Variants in DOCK6 observed in about 807,000 individuals in gnomAD.
The protein encoded by DOCK6 is dedicator of cytokinesis protein 6.
Under a neutral mutation model 230.3 loss-of-function variants are expected in DOCK6, and 167 were observed. That is an observed-to-expected ratio of 0.73 (90% confidence interval 0.64 to 0.82). DOCK6 has a LOEUF of 0.82. Ranked by LOEUF, DOCK6 falls within the 40% of genes least tolerant of loss-of-function variation. The probability of loss-of-function intolerance (pLI) is 0.00; values close to 1 mark genes in which losing one functional copy is unlikely to be tolerated. For missense variants in DOCK6, 2,598 were observed against 2,825.8 expected (o/e 0.92, Z 1.83); for synonymous variants, 1,148 against 1,185.0 (o/e 0.97, Z 0.64).
chr19:11,216,750 A>T, intron 30 of DOCK6, 164 bp downstream of exon 30: 1 of 721,024 alleles, frequency 1.4e-6, no homozygotes, highest in Non-Finnish European at 2.3e-6. Context: ...TTCTGACTTT[A>T]TTCCTTGCCT....
intron 13 of DOCK6, among the ~76,000 whole-genome samples, chr19:11,242,546 C>A (rs2079964333): frequency 6.6e-6 from 1 of 151,812 alleles, no homozygotes; most frequent in African/African-American, 2.4e-5. Flanking sequence ...TGTGTGCCAC[C>A]ACACCTGGTG....
rs1285597607 is a variant in DOCK6, at chr19:11,204,205, G to C, written c.5215C>G (p.His1739Asp). 6.4e-7 allele frequency: 1 copy of C among 1,555,442 alleles called. No individual in the cohort carries two copies. Among genetic ancestry groups the C allele is most frequent in the African/African-American group, 1.4e-5 (1 of 73,240 alleles). The change falls in exon 40 of 48, where the codon CAC (histidine) becomes GAC (aspartate). Residue 1739 changes from histidine to aspartate, a missense_variant. His to Asp is a moderately conservative substitution (Grantham distance 81). Coordinates refer to ENST00000294618, the MANE Select transcript of DOCK6 (RefSeq NM_020812.4). ...GGAGGGGGTCCTGGGCCCACCTGGT[G>C]CATGATCTTGGTGAAGGCCTCCTGC... ...KLQEAFTKIM[H>D]QSSGWERVFG...
chr19:11,213,925 G>A (rs148839323), intron 34 of DOCK6, among the ~76,000 whole-genome samples: 25 of 151,600 alleles, frequency 1.6e-4, no homozygotes, highest in Admixed American at 5.9e-4. Flanking sequence ...GAGTAGCTAG[G>A]ACCACAGGTG....
rs1299833863 is a variant in DOCK6, at chr19:11,243,038, T to C, written c.1480+21A>G. ...GGCTGAGTGAGAGTGATACTTCTTG[T>C]GTATGGGGTGTGCCACGCACCAGTC... On this transcript the variant is annotated intron_variant, in intron 13 of 47. Coordinates refer to ENST00000294618, the MANE Select transcript of DOCK6 (RefSeq NM_020812.4). This position sits in a 1 kb window ranked among gnomAD's most constrained non-coding sequence, Gnocchi z 6.3. The C allele has an allele frequency of 1.2e-6, 2 of 1,613,218 alleles. No individual in the cohort carries two copies. Among genetic ancestry groups the C allele is most frequent in the Non-Finnish European group, 8.5e-7 (1 of 1,179,694 alleles).
At chr19:11,209,976 TCCACCCTCTCACCTGC>T (rs2079344933) in intron 37 of DOCK6, among the ~76,000 whole-genome samples, 1 of 128,722 alleles carries the variant, frequency 7.8e-6, no homozygotes, top group African/African-American at 3.0e-5. Flanking sequence ...CCCTCACCTG[TCCACCCTCTCACCTGC>T]CCATCCCTCA....
intron 35 of DOCK6, 135 bp downstream of exon 35, chr19:11,213,041 T>C (rs2147750016): frequency 1.6e-6 from 2 of 1,217,966 alleles, no homozygotes; most frequent in East Asian, 2.6e-5. Context: ...TGACCCCCAA[T>C]TGCATTCTGA....
chr19:11,221,815 G>C, intron 28 of DOCK6, 36 bp downstream of exon 28: 1 of 1,613,338 alleles, frequency 6.2e-7, no homozygotes, highest in South Asian at 1.1e-5. Flanking sequence ...CCAAGTCCCT[G>C]GATCATGTGA....
At position 11,222,056 on chromosome 19, in the gene DOCK6, A is replaced by G. The variant is rs747282258; in HGVS notation, c.3381-36T>C. On this transcript the variant is annotated intron_variant, in intron 27 of 47. Coordinates refer to ENST00000294618, the MANE Select transcript of DOCK6 (RefSeq NM_020812.4). The surrounding 1 kb of genome is among the most constrained non-coding windows in gnomAD (Gnocchi z 4.0). ...ATGAGGTGCTCAGGACAGGGTGGAC[A>G]TGGCTCCTGGACTGTCCCACCTGTC... The G allele has an allele frequency of 4.4e-6, 7 of 1,605,266 alleles. No individual in the cohort carries two copies. The highest frequency in any genetic ancestry group is 1.3e-5 in the African/African-American group (1 of 74,774).
chr19:11,228,505 G>T (rs565747018), intron 23 of DOCK6, among the ~76,000 whole-genome samples: 1 of 151,664 alleles, frequency 6.6e-6, no homozygotes. Flanking sequence ...TGTGGGGGGG[G>T]GTCTCTTGGG....
chr19:11,243,172 G>A lies in DOCK6; in HGVS notation c.1387-20C>T, dbSNP rs573545631. ...AGCCTCCTACATGGGACCCACTCCC[G>A]TCAGCCTGGGCCAGGGGGCTAGGGG... On this transcript the variant is annotated intron_variant, in intron 12 of 47. Coordinates refer to ENST00000294618, the MANE Select transcript of DOCK6 (RefSeq NM_020812.4). The surrounding 1 kb of genome is among the most constrained non-coding windows in gnomAD (Gnocchi z 6.3). The A allele has an allele frequency of 2.0e-5, 32 of 1,613,058 alleles. No individual in the cohort carries two copies. The highest frequency in any genetic ancestry group is 1.8e-4 in the East Asian group (8 of 44,842).
intron 37 of DOCK6, 92 bp from the exon 38 acceptor site, chr19:11,209,195 C>T: frequency 6.9e-7 from 1 of 1,442,176 alleles, no homozygotes. Flanking sequence ...CTGGTTACCC[C>T]CATGTCCGCC....
In DOCK6 at chr19:11,243,373, GC is replaced by G; in HGVS notation, c.1270del (p.Ala424ProfsTer31). On this transcript the variant is annotated frameshift_variant, in exon 12 of 48. Transcript: ENST00000294618. LOFTEE classifies it high-confidence loss of function. This position sits in a 1 kb window ranked among gnomAD's most constrained non-coding sequence, Gnocchi z 6.3. ...CCCCCGACGGCGGCGGTCTGTCCAG[GC>G]TGGCCGGCGCTCTAGGGGAGGGAAT... ...DSDSEGERRP[A>X]WTDRRRRGPQ... The G allele has an allele frequency of 6.2e-7, 1 of 1,601,770 alleles. No homozygotes were observed. The highest frequency in any genetic ancestry group is 2.3e-5 in the East Asian group (1 of 44,308).
chr19:11,261,350 C>G (rs1436483695), intron 1 of DOCK6, among the ~76,000 whole-genome samples: 1 of 148,952 alleles, frequency 6.7e-6, no homozygotes. Flanking sequence ...CCCCCACCCT[C>G]CCATCCCCCT....
At chr19:11,237,078 G>A in intron 18 of DOCK6, 199 bp from the exon 19 acceptor site, 1 of 605,076 alleles carries the variant, frequency 1.7e-6, no homozygotes, top group Non-Finnish European at 2.9e-6. Flanking sequence ...GCCAAGACGG[G>A]GGCAGAGAAT....
rs202119971 is a variant in DOCK6 at position 11,237,674 on chromosome 19, C to T, written c.1938G>A (p.Pro646=). The T allele has an allele frequency of 3.0e-4, 486 of 1,597,206 alleles. 1 individual carries two copies. In the African/African-American group the frequency reaches 5.0e-3, roughly 16 times the overall value. ...CCACGGGTGTCTCCAGGGCAGTGCC[C>T]GGCCGGGGCTGGCAGCTGACATGGT... ...TFYHVSCQPR[P]GTALETPVGF... Residue 646 remains proline, a synonymous_variant, in exon 17 of 48, where the codon CCG becomes CCA. Transcript: ENST00000294618.
At chr19:11,262,259 G>T in intron 1 of DOCK6, 138 bp downstream of exon 1, 1 of 524,974 alleles carries the variant, frequency 1.9e-6, no homozygotes, top group Non-Finnish European at 2.6e-6. Flanking sequence ...CCCAGCCCCG[G>T]CCGGAGGAAG....
In DOCK6 at chr19:11,202,245, TTGGGAATCCCC is replaced by T; in HGVS notation, c.5452-131_5452-121del. 1 of 1,383,426 alleles carries T rather than the reference TTGGGAATCCCC, an allele frequency of 7.2e-7. No homozygotes were observed. The highest frequency in any genetic ancestry group is 1.3e-5 in the South Asian group (1 of 77,444). 85.7% of individuals were successfully genotyped at this position (1,383,426 alleles called of 1,614,324 possible). A position where few individuals can be genotyped will look rare whatever the true frequency, so the allele number is the denominator to read the frequency against. On this transcript the variant is annotated intron_variant, in intron 43 of 47. Coordinates refer to ENST00000294618, the MANE Select transcript of DOCK6 (RefSeq NM_020812.4). This position sits in a 1 kb window ranked among gnomAD's most constrained non-coding sequence, Gnocchi z 5.3. Reference sequence around the variant, plus strand: ...TCCAAGTCTTCCTATGTCTGGATGTTTGGGAATCCCCTGAGGAATAGGTTTTGGGGTCCCTC... The same window carrying T: ...TCCAAGTCTTCCTATGTCTGGATGTTTGAGGAATAGGTTTTGGGGTCCCTC...
intron 41 of DOCK6, 139 bp downstream of exon 41, chr19:11,203,942 G>A (rs1461843895): frequency 1.3e-5 from 14 of 1,119,224 alleles, no homozygotes; most frequent in African/African-American, 1.6e-5. Context: ...ATAATGGGGT[G>A]GGTCCCTTGT....
In DOCK6 at chr19:11,208,751, C is replaced by G; in HGVS notation, c.5023G>C (p.Gly1675Arg). 6.2e-7 allele frequency: 1 copy of G among 1,613,724 alleles called. No homozygotes were observed. Among genetic ancestry groups the G allele is most frequent in the Non-Finnish European group, 8.5e-7 (1 of 1,179,740 alleles). ...LSPDEEGFCS[G>R]KHFTELGLVG... is the part of the protein sequence containing the mutation. Reference sequence around the variant, plus strand: ...AGCCCCAGCTCAGTGAAGTGCTTCCCGGAGCAGAAGCCCTCCTCGTCGGGC... The same window carrying G: ...AGCCCCAGCTCAGTGAAGTGCTTCCGGGAGCAGAAGCCCTCCTCGTCGGGC... Residue 1675 changes from glycine (G) to arginine (R), a missense_variant, in exon 39 of 48, where the codon GGG becomes CGG. By Grantham distance (125) the Gly-to-Arg change is moderately radical. Coordinates refer to ENST00000294618, the MANE Select transcript of DOCK6 (RefSeq NM_020812.4).
Sources: gnomAD v4.1 joint callset for allele counts (sites outside exome capture counted in the v4.1 genomes callset) on GRCh38, gnomAD v4.1.1 for gene constraint, Gnocchi (gnomAD v3.1) non-coding constraint, MANE v1.5 for transcripts, NCBI Gene and HGNC (gene_info 2026-07-23, HGNC 2026-07-21) for gene names.